Variants in GRID2 observed in about 807,000 individuals in gnomAD.
GRID2 encodes glutamate ionotropic receptor delta type subunit 2.
Under a neutral mutation model 114.8 loss-of-function variants are expected in GRID2, and 33 were observed. The observed-to-expected ratio is 0.29, with a 90% CI of 0.22 to 0.38. The LOEUF is 0.38. GRID2 is among the 10% of genes least tolerant of loss of function. GRID2 has a pLI of 1.00. For synonymous variants in GRID2, 505 were observed against 449.9 expected (o/e 1.12, Z -1.55); for missense variants, 1,184 against 1,257.7 (o/e 0.94, Z 0.89).
intron 14 of GRID2, among the ~76,000 whole-genome samples, chr4:93,755,547 A>G (rs1242863008): frequency 6.6e-6 from 1 of 152,226 alleles, no homozygotes; most frequent in African/African-American, 2.4e-5. Flanking sequence ...GAAACTACTT[A>G]GGAATCCAGG....
intron 14 of GRID2, among the ~76,000 whole-genome samples, chr4:93,731,060 G>A (rs1270048402): frequency 6.6e-6 from 1 of 152,162 alleles, no homozygotes; most frequent in Non-Finnish European, 1.5e-5. Flanking sequence ...ACAGGTTTTT[G>A]GCCAGGAAGC....
intron 8 of GRID2, among the ~76,000 whole-genome samples, chr4:93,239,058 G>A (rs1408813523): frequency 6.7e-6 from 1 of 149,834 alleles, no homozygotes; most frequent in Non-Finnish European, 1.5e-5. Context: ...ACTTTCTCAA[G>A]GAGAAATACA....
chr4:92,814,472 G>C (rs775023320), intron 2 of GRID2, among the ~76,000 whole-genome samples: 13 of 152,062 alleles, frequency 8.5e-5, no homozygotes, highest in Non-Finnish European at 1.5e-4. Flanking sequence ...GGACATGCCC[G>C]TGGCTCACTG....
chr4:92,616,146 G>T (rs1462233419), intron 2 of GRID2, among the ~76,000 whole-genome samples: 1 of 151,544 alleles, frequency 6.6e-6, no homozygotes, highest in Non-Finnish European at 1.5e-5. Flanking sequence ...CTGCTGTAGT[G>T]TTTATTGGAA....
chr4:92,974,990 T>C (rs1314075608), intron 2 of GRID2, among the ~76,000 whole-genome samples: 1 of 151,476 alleles, frequency 6.6e-6, no homozygotes, highest in African/African-American at 2.4e-5. Context: ...ACCCCGTCTC[T>C]ACTAAAAATA....
chr4:92,689,305 C>G (rs1173097156), intron 2 of GRID2, among the ~76,000 whole-genome samples: 2 of 152,230 alleles, frequency 1.3e-5, no homozygotes, highest in African/African-American at 4.8e-5. Flanking sequence ...GACTTCTCCT[C>G]TCTAGCTATG....
Position 93,808,052 on chromosome 4 carries a change from A to T in GRID2, c.*1179A>T, listed in dbSNP as rs576990275. 9 of 152,268 alleles carry T rather than the reference A, an allele frequency of 5.9e-5. No homozygotes were observed. In the East Asian group the frequency reaches 1.7e-3, roughly 29 times the overall value. 9.4% of individuals were successfully genotyped at this position (152,268 alleles called of 1,614,324 possible). A position where few individuals can be genotyped will look rare whatever the true frequency, so the allele number is the denominator to read the frequency against. ...AGCAACCTAAAAGATTAAAGCCAACAAGCAGCAGTCCAGGAGGAGCCTCTA... is the reference window on the plus strand; with the variant it reads ...AGCAACCTAAAAGATTAAAGCCAACTAGCAGCAGTCCAGGAGGAGCCTCTA... On this transcript the variant is annotated 3_prime_UTR_variant, in exon 2 of 2. Coordinates refer to the GRID2 transcript ENST00000637838.
chr4:92,579,886 G>A (rs933653232), intron 1 of GRID2, among the ~76,000 whole-genome samples: 2 of 145,754 alleles, frequency 1.4e-5, no homozygotes, highest in Non-Finnish European at 3.0e-5. Flanking sequence ...CTATGATACA[G>A]ATCTTAAAAG....
chr4:93,047,132 A>G (rs1726224351), intron 2 of GRID2, among the ~76,000 whole-genome samples: 2 of 152,138 alleles, frequency 1.3e-5, no homozygotes, highest in East Asian at 1.9e-4. Flanking sequence ...GAAACATCCT[A>G]CAAAACAGCT....
chr4:93,052,226 T>G (rs1726785639), intron 2 of GRID2, among the ~76,000 whole-genome samples: 1 of 151,948 alleles, frequency 6.6e-6, no homozygotes, highest in Non-Finnish European at 1.5e-5. Context: ...TTATATCAGA[T>G]TGGCCAAGTT....
intron 5 of GRID2, 87 bp downstream of exon 5, chr4:93,207,544 G>A (rs1742952644): frequency 1.2e-6 from 1 of 815,724 alleles, no homozygotes; most frequent in African/African-American, 1.8e-5. Flanking sequence ...GAATTTTTAA[G>A]CGGAAACAAA....
intron 2 of GRID2, among the ~76,000 whole-genome samples, chr4:92,676,261 A>AT (rs1733364478): frequency 0.021 from 1 of 48 alleles, no homozygotes; most frequent in African/African-American, 0.062. Context: ...GCTCACTGCA[A>AT]GTCCGCCTCC....
intron 1 of GRID2, among the ~76,000 whole-genome samples, chr4:92,504,504 G>C (rs934645400): frequency 1.3e-5 from 2 of 152,006 alleles, no homozygotes; most frequent in African/African-American, 2.4e-5. Context: ...ATTGTATTTG[G>C]AGTTCCTGTA....
At chr4:93,740,307 T>A (rs114023010) in intron 14 of GRID2, among the ~76,000 whole-genome samples, 105 of 152,228 alleles carry the variant, frequency 6.9e-4, no homozygotes, top group Non-Finnish European at 1.3e-3. Flanking sequence ...AGTGATGCAT[T>A]TCTCAGAACA....
chr4:93,316,343 G>GAAAGAAAGAAAGAAAGAAAGAAA (rs1560491069), intron 8 of GRID2, among the ~76,000 whole-genome samples: 12 of 55,076 alleles, frequency 2.2e-4, no homozygotes, highest in Non-Finnish European at 3.3e-4. Flanking sequence ...AAAGAAAGAA[G>GAAAGAAAGAAAGAAAGAAAGAAA]GAAGGAAGGA....
intron 12 of GRID2, among the ~76,000 whole-genome samples, chr4:93,512,050 G>C (rs1224386221): frequency 6.6e-6 from 1 of 152,014 alleles, no homozygotes; most frequent in African/African-American, 2.4e-5. Flanking sequence ...GCCTCCCAAA[G>C]TGCTGGGATT....
chr4:92,504,294 G>C (rs1041112285), intron 1 of GRID2, among the ~76,000 whole-genome samples: 13 of 152,136 alleles, frequency 8.5e-5, no homozygotes, highest in African/African-American at 3.1e-4. Context: ...GAAAAGACAT[G>C]AGAATGGGAG....
At chr4:93,247,466 A>G (rs574545293) in intron 8 of GRID2, among the ~76,000 whole-genome samples, 1 of 152,046 alleles carries the variant, frequency 6.6e-6, no homozygotes, top group Non-Finnish European at 1.5e-5. Flanking sequence ...TGGGAAATTC[A>G]TGTTCTCTTG....
intron 10 of GRID2, among the ~76,000 whole-genome samples, chr4:93,452,166 G>A (rs949814041): frequency 1.3e-5 from 2 of 152,166 alleles, no homozygotes; most frequent in Non-Finnish European, 2.9e-5. Context: ...AAGGAACTGA[G>A]AAAGAGGTGT....
Sources: allele counts gnomAD v4.1 joint callset (sites outside exome capture counted in the v4.1 genomes callset), GRCh38; gene constraint gnomAD v4.1.1; transcripts MANE v1.5; gene names NCBI Gene and HGNC (gene_info 2026-07-23, HGNC 2026-07-21).